Variants in NFIX observed in about 807,000 individuals in gnomAD.
The protein encoded by NFIX is nuclear factor 1 X-type.
A neutral mutation model predicts 53.3 loss-of-function variants in NFIX; 2 were observed. The ratio of observed to expected loss-of-function variants is 0.04; its 90% CI spans 0.02 to 0.12. The LOEUF is 0.12. Among genes scored for constraint, NFIX ranks in the 10% least tolerant of loss-of-function variants. NFIX has a pLI of 1.00. For synonymous variants in NFIX, 244 were observed against 289.0 expected, an observed-to-expected ratio of 0.84 and a Z score of 1.58; for missense variants, 310 against 674.5, an observed-to-expected ratio of 0.46 and a Z score of 5.99.
intron 1 of NFIX, chr19:13,023,947 T>TC (rs2013117351): frequency 5.6e-5 from 7 of 125,120 alleles, no homozygotes; most frequent in Non-Finnish European, 8.8e-5. Flanking sequence ...TCCTCCCCCC[T>TC]CCCCCCACCC....
intron 1 of NFIX, among the ~76,000 whole-genome samples, chr19:13,023,070 T>TTCTC (rs3840930): frequency 0.011 from 1,555 of 137,842 alleles, 23 homozygotes; most frequent in African/African-American, 0.019. Context: ...TTCTCTCTCT[T>TTCTC]TCTCTCTCTC....
chr19:13,039,476 A>G (rs2014463408), intron 2 of NFIX, among the ~76,000 whole-genome samples: 1 of 152,176 alleles, frequency 6.6e-6, no homozygotes, highest in Admixed American at 6.5e-5. Context: ...GCCCCTGGTG[A>G]GCCTGAGCTC....
intron 8 of NFIX, among the ~76,000 whole-genome samples, chr19:13,085,449 G>A (rs1031082907): frequency 1.3e-5 from 2 of 152,216 alleles, no homozygotes; most frequent in African/African-American, 4.8e-5. Flanking sequence ...CTGGAGAGGA[G>A]GAGTGAGGCT....
intron 2 of NFIX, among the ~76,000 whole-genome samples, chr19:13,064,074 A>C (rs561585076): frequency 2.7e-5 from 4 of 150,696 alleles, no homozygotes; most frequent in African/African-American, 9.9e-5. Flanking sequence ...CTGGGATGGG[A>C]CCCCCCCCCT....
intron 2 of NFIX, among the ~76,000 whole-genome samples, chr19:13,032,820 A>G (rs2013911432): frequency 6.6e-6 from 1 of 152,174 alleles, no homozygotes; most frequent in Non-Finnish European, 1.5e-5. Context: ...GGTTTCGAAC[A>G]AGAGACACCC....
intron 5 of NFIX, among the ~76,000 whole-genome samples, chr19:13,075,068 TAAAAA>T (rs57860606): frequency 9.5e-5 from 7 of 73,702 alleles, no homozygotes; most frequent in African/African-American, 2.0e-4. Flanking sequence ...AGACTCCATC[TAAAAA>T]AAAAAAAAAA....
chr19:13,094,692 C>T lies in NFIX; in HGVS notation c.*43C>T. On this transcript the variant is annotated 3_prime_UTR_variant, in exon 11 of 11. Coordinates refer to ENST00000592199, the MANE Select transcript of NFIX (RefSeq NM_001365902.3). The surrounding 1 kb of genome is among the most constrained non-coding windows in gnomAD (Gnocchi z 4.3). The stretch of plus-strand genomic sequence containing the variant: ...ACAACAAAATGAGAAGAAGAGGTTC[C>T]TCGAAAGGGGGGAGAAGAAATTTTG... 7 of 1,529,776 alleles carry T rather than the reference C, an allele frequency of 4.6e-6. No individual in the cohort carries two copies. The highest frequency in any genetic ancestry group is 6.1e-6 in the Non-Finnish European group (7 of 1,141,220). The allele number at this position is 1,529,776 out of a possible 1,614,324, so 94.8% of individuals were successfully genotyped here.
In NFIX at chr19:13,027,151, G is replaced by A. The variant is rs971614647; in HGVS notation, c.559+1599G>A. On this transcript the variant is annotated intron_variant, in intron 2 of 10. Coordinates refer to ENST00000592199, the MANE Select transcript of NFIX (RefSeq NM_001365902.3). This position sits in a 1 kb window ranked among gnomAD's most constrained non-coding sequence, Gnocchi z 4.3. ...TCCTGAGAGGTTGCTTTGGTAACTG[G>A]TTAGAAGCAGGGGACACCACTCTCA... Among the ~76,000 whole-genome samples the A allele has an allele frequency of 1.6e-4, 25 of 152,124 alleles. No homozygotes were observed. The highest frequency in any genetic ancestry group is 6.0e-4 in the African/African-American group (25 of 41,424).
At chr19:13,057,642 G>A (rs2015796373) in intron 2 of NFIX, among the ~76,000 whole-genome samples, 1 of 152,214 alleles carries the variant, frequency 6.6e-6, no homozygotes, top group South Asian at 2.1e-4. Flanking sequence ...GTGTCTCAGA[G>A]TCCTGTGGGT....
At position 13,094,656 on chromosome 19, in the gene NFIX, C is replaced by T. The variant is rs1452964601; in HGVS notation, c.*7C>T. On this transcript the variant is annotated 3_prime_UTR_variant, in exon 11 of 11. Coordinates refer to ENST00000592199, the MANE Select transcript of NFIX (RefSeq NM_001365902.3). This position sits in a 1 kb window ranked among gnomAD's most constrained non-coding sequence, Gnocchi z 4.3. ...TCAGTCCTGGTTCCTCTGATAAGAT[C>T]GACAAAAGAAACAACAAAATGAGAA... 9 of 1,535,586 alleles carry T rather than the reference C, an allele frequency of 5.9e-6. No individual in the cohort carries two copies. The highest frequency in any genetic ancestry group is 1.2e-5 in the South Asian group (1 of 84,016).
rs995491499 is a variant in NFIX, at chr19:13,097,832, C to G, written c.*3183C>G. Reference sequence around the variant, plus strand: ...TCCTCCCCCCTTTCCCGGCGCCCCTCCCGCCCCCATTCAACATCTCTCATC... The same window carrying G: ...TCCTCCCCCCTTTCCCGGCGCCCCTGCCGCCCCCATTCAACATCTCTCATC... On this transcript the variant is annotated 3_prime_UTR_variant, in exon 11 of 11. Coordinates refer to ENST00000592199, the MANE Select transcript of NFIX (RefSeq NM_001365902.3). 1 of 152,588 alleles carries G rather than the reference C, an allele frequency of 6.6e-6. No homozygotes were observed. The highest frequency in any genetic ancestry group is 1.5e-5 in the Non-Finnish European group (1 of 68,100). 9.5% of individuals were successfully genotyped at this position (152,588 alleles called of 1,614,324 possible).
rs2012203947 is a variant in NFIX at position 13,009,336 on chromosome 19, G to A, written c.27+13472G>A. On this transcript the variant is annotated intron_variant, in intron 1 of 10. Transcript: ENST00000592199. This position sits in a 1 kb window ranked among gnomAD's most constrained non-coding sequence, Gnocchi z 4.7. ...GTGGGTGGGGGGAAGGCGGGCATATGTGACCTCCTGTGACCCTCCCAACAC... is the reference window on the plus strand; with the variant it reads ...GTGGGTGGGGGGAAGGCGGGCATATATGACCTCCTGTGACCCTCCCAACAC... Among the ~76,000 whole-genome samples, 1 of 152,208 alleles carries A rather than the reference G, an allele frequency of 6.6e-6. No individual in the cohort carries two copies. The highest frequency in any genetic ancestry group is 2.1e-4 in the South Asian group (1 of 4,826).
At position 13,068,172 on chromosome 19, in the gene NFIX, AG is replaced by A. The variant is rs2016548623; in HGVS notation, c.560-4873del. Among the ~76,000 whole-genome samples the A allele has an allele frequency of 1.3e-5, 2 of 152,106 alleles. No homozygotes were observed. Among genetic ancestry groups the A allele is most frequent in the African/African-American group, 4.8e-5 (2 of 41,402 alleles). The stretch of plus-strand genomic sequence containing the variant: ...TCAGTTGGAGTTTATGTGCAATCCC[AG>A]GCTCCTCCTGGCTGCTGGAGCTTCC... On this transcript the variant is annotated intron_variant, in intron 2 of 10. Transcript: ENST00000592199. This position sits in a 1 kb window ranked among gnomAD's most constrained non-coding sequence, Gnocchi z 4.2.
In NFIX at chr19:13,078,995, C is replaced by G. The variant is rs1335477786; in HGVS notation, c.1078+260C>G. ...TTCTCACTCCTCACGTGCATGGGTGCTACATACAACACAAGCCTGTCCCGA... is the reference window on the plus strand; with the variant it reads ...TTCTCACTCCTCACGTGCATGGGTGGTACATACAACACAAGCCTGTCCCGA... On this transcript the variant is annotated intron_variant, in intron 7 of 10. Coordinates refer to ENST00000592199, the MANE Select transcript of NFIX (RefSeq NM_001365902.3). This position sits in a 1 kb window ranked among gnomAD's most constrained non-coding sequence, Gnocchi z 4.7. 6.6e-6 allele frequency among the ~76,000 whole-genome samples: 1 copy of G among 152,234 alleles called. No homozygotes were observed. Among genetic ancestry groups the G allele is most frequent in the African/African-American group, 2.4e-5 (1 of 41,460 alleles).
At chr19:13,058,366 G>A (rs906680433) in intron 2 of NFIX, among the ~76,000 whole-genome samples, 1 of 152,174 alleles carries the variant, frequency 6.6e-6, no homozygotes, top group East Asian at 1.9e-4. Context: ...CAGGATGTGC[G>A]CTGGGCGCAG....
chr19:13,055,401 G>A (rs908711254), intron 2 of NFIX, among the ~76,000 whole-genome samples: 29 of 152,154 alleles, frequency 1.9e-4, no homozygotes, highest in African/African-American at 6.0e-4. Context: ...TCTTGCATCC[G>A]GGGGCCCCGC....
At position 13,078,425 on chromosome 19, in the gene NFIX, C is replaced by T. The variant is rs2017243730; in HGVS notation, c.956-188C>T. Among the ~76,000 whole-genome samples, 1 of 152,208 alleles carries T rather than the reference C, an allele frequency of 6.6e-6. No individual in the cohort carries two copies. ...AAGCACCCCTTGGCTGGCCTACACA[C>T]AGGGCCTCGGAACCAGGCCTAGAAC... On this transcript the variant is annotated intron_variant, in intron 6 of 10. Transcript: ENST00000592199. This position sits in a 1 kb window ranked among gnomAD's most constrained non-coding sequence, Gnocchi z 4.7.
chr19:13,042,777 A>C (rs1163715960), intron 2 of NFIX, among the ~76,000 whole-genome samples: 1 of 141,714 alleles, frequency 7.1e-6, no homozygotes. Flanking sequence ...CCCCATTGTA[A>C]ATTCTGCTGG....
intron 2 of NFIX, chr19:13,070,737 A>C (rs535429958): frequency 6.6e-6 from 1 of 152,488 alleles, no homozygotes; most frequent in East Asian, 1.9e-4. Context: ...CTCGCACCGG[A>C]TCCTTGCTCC....
Sources: gnomAD v4.1 joint callset for allele counts (sites outside exome capture counted in the v4.1 genomes callset) on GRCh38, gnomAD v4.1.1 for gene constraint, Gnocchi (gnomAD v3.1) non-coding constraint, MANE v1.5 for transcripts, NCBI Gene and HGNC (gene_info 2026-07-23, HGNC 2026-07-21) for gene names.